Variants in DSTN observed in about 807,000 individuals in gnomAD.
DSTN encodes destrin.
DSTN carries 10 observed loss-of-function variants against 16.8 expected under a neutral mutation model. The ratio of observed to expected loss-of-function variants is 0.60; its 90% confidence interval spans 0.37 to 1.01. The LOEUF is 1.01. Among genes scored for constraint, DSTN ranks in the 50% least tolerant of loss-of-function variants. The pLI, the probability that DSTN is intolerant of heterozygous loss-of-function variation, is 0.01. For missense variants in DSTN, 141 were observed against 196.7 expected, an observed-to-expected ratio of 0.72 and a Z score of 1.69; for synonymous variants, 57 against 58.9, an observed-to-expected ratio of 0.97 and a Z score of 0.14.
intron 1 of DSTN, chr20:17,591,795 TTAG>T (rs2035472373): frequency 1.5e-6 from 1 of 674,834 alleles, no homozygotes; most frequent in Non-Finnish European, 1.8e-6. Context: ...ACATAGCTAG[TTAG>T]TAGAGGAATG....
intron 2 of DSTN, 143 bp downstream of exon 2, chr20:17,601,188 ACCAGGGCTGATGTTTATGGGAC>A: frequency 9.4e-7 from 1 of 1,063,794 alleles, no homozygotes; most frequent in East Asian, 2.9e-5. Context: ...TCATAATGTT[ACCAGGGCTGATGTTTATGGGAC>A]CCAAACTAAA....
intron 1 of DSTN, among the ~76,000 whole-genome samples, chr20:17,575,217 T>A: frequency 6.6e-6 from 1 of 151,916 alleles, no homozygotes; most frequent in East Asian, 1.9e-4. Flanking sequence ...ACTTCAAATT[T>A]TTGAGTTTTT....
intron 1 of DSTN, 54 bp from the exon 2 acceptor site, chr20:17,600,684 T>C: frequency 4.1e-6 from 6 of 1,480,450 alleles, no homozygotes; most frequent in Non-Finnish European, 5.4e-6. Flanking sequence ...TATTATTTTA[T>C]GTTTGGCACA....
intron 1 of DSTN, chr20:17,599,610 G>A: frequency 6.6e-6 from 1 of 152,314 alleles, no homozygotes; most frequent in East Asian, 1.9e-4. Context: ...GTCGCAGTTG[G>A]TCATATTCCT....
chr20:17,574,498 C>T (rs1257190294), intron 1 of DSTN, among the ~76,000 whole-genome samples: 3 of 152,090 alleles, frequency 2.0e-5, no homozygotes, highest in African/African-American at 7.2e-5. Context: ...TAAAAGCACA[C>T]ACAGTAGATA....
chr20:17,570,176 CT>C lies in DSTN; in HGVS notation c.-32del. On this transcript the variant is annotated 5_prime_UTR_variant, in exon 1 of 4. Transcript: ENST00000246069. ...TGCATACTCGCTGCCCGCCGGCTCC[CT>C]CCCCCGCGTCCCTGCGACCGCCGCG... The C allele has an allele frequency of 6.6e-7, 1 of 1,519,074 alleles. No individual in the cohort carries two copies. The highest frequency in any genetic ancestry group is 8.8e-7 in the Non-Finnish European group (1 of 1,137,292). The allele number at this position is 1,519,074 out of a possible 1,614,324, so 94.1% of individuals were successfully genotyped here.
intron 1 of DSTN, among the ~76,000 whole-genome samples, chr20:17,594,424 T>A (rs910230594): frequency 1.3e-5 from 2 of 152,206 alleles, no homozygotes; most frequent in Non-Finnish European, 2.9e-5. Context: ...TTTATTTAAC[T>A]TTTATTTAAT....
intron 2 of DSTN, among the ~76,000 whole-genome samples, chr20:17,602,149 C>T (rs1435492059): frequency 1.3e-5 from 2 of 152,190 alleles, no homozygotes; most frequent in African/African-American, 4.8e-5. Flanking sequence ...TTTTACTGCA[C>T]TTGATTAAAC....
chr20:17,609,022 A>G lies in DSTN; in HGVS notation c.*1876A>G, dbSNP rs141570019. 100 of 152,344 alleles carry G rather than the reference A, an allele frequency of 6.6e-4. 3 individuals are homozygous for G. Among genetic ancestry groups the G allele is most frequent in the African/African-American group, 2.2e-3 (93 of 41,582 alleles). The allele number at this position is 152,344 out of a possible 1,614,324, so 9.4% of individuals were successfully genotyped here. ...ATACAGCCTAGGTGTGTAGTAGGCT[A>G]TGCCACTAGGTTTAAGTGCAGTCTA... On this transcript the variant is annotated 3_prime_UTR_variant, in exon 4 of 4. Coordinates refer to ENST00000246069, the MANE Select transcript of DSTN (RefSeq NM_006870.4).
At chr20:17,598,517 ACTGT>A (rs59494077) in intron 1 of DSTN, among the ~76,000 whole-genome samples, 3,581 of 152,268 alleles carry the variant, frequency 0.024, 119 homozygotes, top group African/African-American at 0.081. Flanking sequence ...TCTTTGGAGA[ACTGT>A]CTATTTAAAT....
chr20:17,599,520 T>C (rs376644800), intron 1 of DSTN: 1 of 152,266 alleles, frequency 6.6e-6, no homozygotes, highest in African/African-American at 2.4e-5. Flanking sequence ...GTACCACTTA[T>C]GCCTCACATT....
At chr20:17,594,441 T>C (rs1403535500) in intron 1 of DSTN, among the ~76,000 whole-genome samples, 1 of 152,186 alleles carries the variant, frequency 6.6e-6, no homozygotes, top group African/African-American at 2.4e-5. Context: ...TAATTTTTGA[T>C]GTTTTAAAAA....
intron 1 of DSTN, among the ~76,000 whole-genome samples, chr20:17,577,986 G>C (rs2035298713): frequency 6.6e-6 from 1 of 152,164 alleles, no homozygotes. Flanking sequence ...AGTCACACTA[G>C]CCACATTTAA....
At chr20:17,595,612 T>TC (rs1365297727) in intron 1 of DSTN, among the ~76,000 whole-genome samples, 2 of 151,054 alleles carry the variant, frequency 1.3e-5, no homozygotes, top group African/African-American at 4.9e-5. Flanking sequence ...AGAGCGAACG[T>TC]CCATCTGGAA....
chr20:17,591,977 G>C, intron 1 of DSTN: 1 of 985,446 alleles, frequency 1.0e-6, no homozygotes, highest in Non-Finnish European at 1.2e-6. Flanking sequence ...AGAGCTACCA[G>C]CGTATTGAGA....
At chr20:17,590,426 T>G (rs1025714349) in intron 1 of DSTN, among the ~76,000 whole-genome samples, 16 of 152,194 alleles carry the variant, frequency 1.1e-4, no homozygotes, top group Admixed American at 6.5e-4. Context: ...AAACTGGTAG[T>G]CAAGCGAGAT....
At chr20:17,570,290 A>G in intron 1 of DSTN, 79 bp downstream of exon 1, 2 of 1,410,964 alleles carry the variant, frequency 1.4e-6, no homozygotes, top group African/African-American at 1.5e-5. Context: ...AGTCGGGGCT[A>G]AGGGGGTGAG....
At chr20:17,576,988 G>C (rs377161482) in intron 1 of DSTN, among the ~76,000 whole-genome samples, 1 of 152,030 alleles carries the variant, frequency 6.6e-6, no homozygotes, top group East Asian at 1.9e-4. Flanking sequence ...CCAACATATG[G>C]AAAATTCTAC....
rs535768991 is a variant in DSTN at position 17,572,066 on chromosome 20, G to C, written c.3+1855G>C. On this transcript the variant is annotated intron_variant, in intron 1 of 3. Coordinates refer to ENST00000246069, the MANE Select transcript of DSTN (RefSeq NM_006870.4). The stretch of plus-strand genomic sequence containing the variant: ...AGAGAATATTGTGGGTATTATCCCA[G>C]AGTCTAGCACTTTGCTTTTAGCTCT... Among the ~76,000 whole-genome samples, 13 of 152,338 alleles carry C rather than the reference G, an allele frequency of 8.5e-5. No individual in the cohort carries two copies. The East Asian group carries it at 2.1e-3, about 25-fold the overall frequency.
Sources: allele counts gnomAD v4.1 joint callset (sites outside exome capture counted in the v4.1 genomes callset), GRCh38; gene constraint gnomAD v4.1.1; transcripts MANE v1.5; gene names NCBI Gene and HGNC (gene_info 2026-07-23, HGNC 2026-07-21).